CFAP61: variants seen among roughly 807,000 people sequenced by gnomAD.
CFAP61 encodes cilia- and flagella-associated protein 61.
Under a neutral mutation model 135.6 loss-of-function variants are expected in CFAP61, and 107 were observed. The ratio of observed to expected loss-of-function variants is 0.79; its 90% CI spans 0.67 to 0.93. The LOEUF is 0.93. CFAP61 is among the 40% of genes least tolerant of loss of function. The probability of loss-of-function intolerance (pLI) is 0.00; values close to 1 mark genes in which losing one functional copy is unlikely to be tolerated. For missense variants in CFAP61, 1,507 were observed against 1,556.2 expected (o/e 0.97, Z 0.53); for synonymous variants, 575 against 578.5 (o/e 0.99, Z 0.09).
intron 1 of CFAP61, among the ~76,000 whole-genome samples, chr20:20,054,009 G>GTTT (rs1491456523): frequency 1.1e-5 from 1 of 88,854 alleles, no homozygotes; most frequent in African/African-American, 4.0e-5. Flanking sequence ...TGTTTTTTTT[G>GTTT]TTTGTTTTTT....
At chr20:20,346,698 A>C (rs987819415) in intron 26 of CFAP61, among the ~76,000 whole-genome samples, 2 of 152,218 alleles carry the variant, frequency 1.3e-5, no homozygotes, top group South Asian at 2.1e-4. Flanking sequence ...TGATCCTTCA[A>C]AATCCTTTAC....
At chr20:20,279,727 G>A (rs189621383) in intron 22 of CFAP61, among the ~76,000 whole-genome samples, 49 of 152,250 alleles carry the variant, frequency 3.2e-4, no homozygotes, top group South Asian at 1.2e-3. Context: ...TCCTAACACC[G>A]TCTGAGTCAG....
chr20:20,158,315 G>A, intron 9 of CFAP61, among the ~76,000 whole-genome samples: 1 of 134,674 alleles, frequency 7.4e-6, no homozygotes. Flanking sequence ...GGAGAAGCCT[G>A]AATCTGGCAT....
chr20:20,257,516 G>A (rs1012729906), intron 20 of CFAP61, among the ~76,000 whole-genome samples: 5 of 151,434 alleles, frequency 3.3e-5, no homozygotes, highest in Admixed American at 6.6e-5. Flanking sequence ...TTGGAAGGCT[G>A]AGGCAAAAGA....
intron 22 of CFAP61, among the ~76,000 whole-genome samples, chr20:20,287,802 G>T (rs1364815791): frequency 1.3e-5 from 2 of 152,188 alleles, no homozygotes; most frequent in Non-Finnish European, 2.9e-5. Flanking sequence ...AACAACTAAA[G>T]ACAAAAACAA....
At chr20:20,221,169 C>T (rs879842145) in intron 17 of CFAP61, 3 of 152,104 alleles carry the variant, frequency 2.0e-5, no homozygotes, top group Admixed American at 6.6e-5. Flanking sequence ...TGCAGAAACC[C>T]GGAGGCCATT....
rs181157981 is a variant in CFAP61, at chr20:20,223,327, A to G, written c.1933-4922A>G. ...ACTGATATTTAGGAAAAAGAGGCTC[A>G]GAATTTCAACCAGTGGCAAAATTAA... On this transcript the variant is annotated intron_variant, in intron 17 of 26. Transcript: ENST00000245957. Among the ~76,000 whole-genome samples the G allele has an allele frequency of 8.5e-5, 13 of 152,358 alleles. No homozygotes were observed. The East Asian group carries it at 2.3e-3, about 27-fold the overall frequency.
intron 22 of CFAP61, among the ~76,000 whole-genome samples, chr20:20,278,987 C>T (rs888761702): frequency 6.6e-6 from 1 of 152,130 alleles, no homozygotes; most frequent in Non-Finnish European, 1.5e-5. Context: ...TGTCATGACA[C>T]CTATTTAAGA....
chr20:20,195,213 C>T (rs571069995), intron 15 of CFAP61, among the ~76,000 whole-genome samples: 4 of 152,280 alleles, frequency 2.6e-5, no homozygotes, highest in Middle Eastern at 3.4e-3. Flanking sequence ...CAGGGGACCT[C>T]GAGGAGCTTG....
intron 8 of CFAP61, among the ~76,000 whole-genome samples, chr20:20,133,858 T>C (rs190722628): frequency 1.3e-5 from 2 of 152,322 alleles, no homozygotes; most frequent in East Asian, 3.9e-4. Context: ...CTACACCACA[T>C]CCCAGGTAGG....
chr20:20,115,337 T>TA (rs764235924), intron 8 of CFAP61, among the ~76,000 whole-genome samples: 11 of 130,734 alleles, frequency 8.4e-5, no homozygotes, highest in South Asian at 2.3e-4. Flanking sequence ...GAAATACTTT[T>TA]AAAGTACATG....
At chr20:20,247,216 C>A (rs1473274785) in intron 19 of CFAP61, among the ~76,000 whole-genome samples, 9 of 152,330 alleles carry the variant, frequency 5.9e-5, no homozygotes, top group African/African-American at 2.2e-4. Context: ...CTCCATTTCC[C>A]TCTTTCTAAA....
intron 2 of CFAP61, among the ~76,000 whole-genome samples, chr20:20,068,507 C>T (rs1394022614): frequency 6.6e-6 from 1 of 152,144 alleles, no homozygotes. Context: ...AGCCAGTGCT[C>T]GTATGGGGCC....
At chr20:20,071,861 A>G (rs190477370) in intron 3 of CFAP61, among the ~76,000 whole-genome samples, 7 of 152,250 alleles carry the variant, frequency 4.6e-5, no homozygotes, top group Non-Finnish European at 1.0e-4. Flanking sequence ...CCTAAGGACT[A>G]TTGTCAGAAA....
In CFAP61 at chr20:20,252,247, A is replaced by G. The variant is rs571957695; in HGVS notation, c.2328+484A>G. On this transcript the variant is annotated intron_variant, in intron 20 of 26. Transcript: ENST00000245957. Reference sequence around the variant, plus strand: ...AGGAAATCTGATTGATTGGTTTCCCAGTGTCCATGCTTTCCTTTTAGTTAA... The same window carrying G: ...AGGAAATCTGATTGATTGGTTTCCCGGTGTCCATGCTTTCCTTTTAGTTAA... Among the ~76,000 whole-genome samples the G allele has an allele frequency of 9.8e-5, 15 of 152,350 alleles. No homozygotes were observed. The South Asian group carries it at 2.7e-3, about 27-fold the overall frequency.
chr20:20,320,371 TATTA>T (rs1986315415), intron 25 of CFAP61, among the ~76,000 whole-genome samples: 1 of 95,958 alleles, frequency 1.0e-5, no homozygotes, highest in Non-Finnish European at 1.9e-5. Context: ...ATGTAATATA[TATTA>T]TATATATGTA....
intron 18 of CFAP61, among the ~76,000 whole-genome samples, chr20:20,231,976 G>A (rs577677275): frequency 6.6e-6 from 1 of 151,966 alleles, no homozygotes; most frequent in Non-Finnish European, 1.5e-5. Flanking sequence ...TTCCTGGCTC[G>A]GACACTATGA....
rs1569117669 is a variant in CFAP61, at chr20:20,199,911, C to G, written c.1932+9C>G. On this transcript the variant is annotated intron_variant, in intron 17 of 26. Transcript: ENST00000245957. ...CGGTCTCCAAGGATCCGGTGGGTAG[C>G]AGGGCGGCAGGCAGGGCGGCGCGGT... 1.9e-6 allele frequency: 3 copies of G among 1,613,556 alleles called. No homozygotes were observed. The African/African-American group carries it at 4.0e-5, about 21-fold the overall frequency.
chr20:20,165,977 G>A (rs1025641577), intron 11 of CFAP61, among the ~76,000 whole-genome samples: 1 of 152,114 alleles, frequency 6.6e-6, no homozygotes, highest in African/African-American at 2.4e-5. Flanking sequence ...TTTGAAACAG[G>A]AATTTGATGA....
Sources: gnomAD v4.1 joint callset for allele counts (sites outside exome capture counted in the v4.1 genomes callset) on GRCh38, gnomAD v4.1.1 for gene constraint, MANE v1.5 for transcripts, NCBI Gene and HGNC (gene_info 2026-07-23, HGNC 2026-07-21) for gene names.